The following MAGI2 variants were observed in gnomAD, a reference collection of about 807,000 sequenced individuals.
MAGI2 encodes the protein membrane associated guanylate kinase, WW and PDZ domain containing 2.
A neutral mutation model predicts 133.3 loss-of-function variants in MAGI2; 35 were observed. That is an observed-to-expected ratio of 0.26 (90% CI 0.20 to 0.35). The LOEUF is 0.35. Among genes scored for constraint, MAGI2 ranks in the 10% least tolerant of loss-of-function variants. MAGI2 has a pLI of 1.00. For synonymous variants in MAGI2, 729 were observed against 710.6 expected (o/e 1.03, Z -0.41); for missense variants, 1,636 against 1,863.4 (o/e 0.88, Z 2.25).
intron 2 of MAGI2, among the ~76,000 whole-genome samples, chr7:78,978,410 G>A (rs1034088085): frequency 3.3e-5 from 5 of 151,756 alleles, no homozygotes; most frequent in African/African-American, 1.2e-4. Flanking sequence ...AGTGAAAGTT[G>A]GTCAGAAAGC....
chr7:78,779,331 T>A (rs1486242804), intron 2 of MAGI2, among the ~76,000 whole-genome samples: 1 of 152,194 alleles, frequency 6.6e-6, no homozygotes, highest in Non-Finnish European at 1.5e-5. Flanking sequence ...TTTGCCTGAA[T>A]GGCTTTCACT....
intron 6 of MAGI2, among the ~76,000 whole-genome samples, chr7:78,465,432 A>C (rs79593244): frequency 0.015 from 2,305 of 152,314 alleles, 56 homozygotes; most frequent in African/African-American, 0.053. Flanking sequence ...GCCATGTACT[A>C]TTAACACGTG....
intron 20 of MAGI2, among the ~76,000 whole-genome samples, chr7:78,114,890 C>A (rs1210870037): frequency 6.6e-6 from 1 of 152,164 alleles, no homozygotes; most frequent in Non-Finnish European, 1.5e-5. Context: ...ACGGGAGGCA[C>A]CCTCTGGGGT....
chr7:78,676,025 C>T (rs1028666722), intron 2 of MAGI2, among the ~76,000 whole-genome samples: 1 of 152,122 alleles, frequency 6.6e-6, no homozygotes, highest in African/African-American at 2.4e-5. Context: ...TTCACTGATT[C>T]TAAGTCACCA....
chr7:79,061,364 C>T (rs1813711242), intron 1 of MAGI2, among the ~76,000 whole-genome samples: 1 of 151,148 alleles, frequency 6.6e-6, no homozygotes, highest in South Asian at 2.1e-4. Context: ...TATTCAAGCT[C>T]AACGAGGCTG....
Position 79,007,038 on chromosome 7 carries a change from C to T in MAGI2, c.418+52G>A. 2.3e-6 allele frequency: 3 copies of T among 1,291,440 alleles called. No homozygotes were observed. In the East Asian group the frequency reaches 7.3e-5, roughly 31 times the overall value. 80.0% of individuals were successfully genotyped at this position (1,291,440 alleles called of 1,614,324 possible). ...TTTCTTTTAATCAATGAATATATAG[C>T]TAAACATTTATCTCTCAACATAAAA... On this transcript the variant is annotated intron_variant, in intron 2 of 21. Transcript: ENST00000354212.
chr7:78,372,118 G>T (rs1793979261), intron 6 of MAGI2, among the ~76,000 whole-genome samples: 1 of 152,078 alleles, frequency 6.6e-6, no homozygotes, highest in Admixed American at 6.6e-5. Context: ...GCACATGTGT[G>T]TTTGTGTGTA....
At chr7:78,328,529 A>ACACC (rs1408831333) in intron 9 of MAGI2, among the ~76,000 whole-genome samples, 1 of 99,874 alleles carries the variant, frequency 1.0e-5, no homozygotes, top group African/African-American at 3.8e-5. Context: ...ACACACACAC[A>ACACC]CCCCTCTCTC....
At chr7:79,306,541 T>C (rs1281551101) in intron 1 of MAGI2, among the ~76,000 whole-genome samples, 1 of 152,042 alleles carries the variant, frequency 6.6e-6, no homozygotes, top group Non-Finnish European at 1.5e-5. Context: ...TAGATGAGCA[T>C]TTGACCTTCA....
At chr7:78,296,565 T>C (rs368285667) in intron 9 of MAGI2, among the ~76,000 whole-genome samples, 80 of 152,334 alleles carry the variant, frequency 5.3e-4, no homozygotes, top group African/African-American at 1.8e-3. Context: ...TGGGGCTTCA[T>C]TTACTATGGT....
At chr7:79,214,405 CTCTATATATATATATA>C (rs1829807974) in intron 1 of MAGI2, among the ~76,000 whole-genome samples, 1 of 30,514 alleles carries the variant, frequency 3.3e-5, no homozygotes, top group Non-Finnish European at 5.6e-5. Flanking sequence ...CTCTCTCTCT[CTCTATATATATATATA>C]TATATATATA....
At chr7:79,339,052 A>G (rs1840695909) in intron 1 of MAGI2, among the ~76,000 whole-genome samples, 1 of 152,164 alleles carries the variant, frequency 6.6e-6, no homozygotes, top group Non-Finnish European at 1.5e-5. Context: ...TAAATTTTCT[A>G]GAAAATAAGT....
chr7:78,174,756 G>A (rs1289583567), intron 14 of MAGI2, among the ~76,000 whole-genome samples: 2 of 152,206 alleles, frequency 1.3e-5, no homozygotes, highest in Admixed American at 6.5e-5. Context: ...GACCAGCATT[G>A]TAATTAGAGG....
chr7:79,105,782 C>T (rs546358350), intron 1 of MAGI2, among the ~76,000 whole-genome samples: 32 of 152,030 alleles, frequency 2.1e-4, no homozygotes, highest in Non-Finnish European at 4.3e-4. Flanking sequence ...TGAGATTTAA[C>T]CATATCTCTA....
At chr7:78,458,224 A>C (rs906146083) in intron 6 of MAGI2, among the ~76,000 whole-genome samples, 2 of 148,690 alleles carry the variant, frequency 1.3e-5, no homozygotes, top group African/African-American at 4.9e-5. Flanking sequence ...TGAACTAGGC[A>C]GTCGGAGGTT....
At chr7:78,945,214 C>T (rs1801320824) in intron 2 of MAGI2, among the ~76,000 whole-genome samples, 1 of 151,372 alleles carries the variant, frequency 6.6e-6, no homozygotes, top group South Asian at 2.1e-4. Flanking sequence ...GGCGTGCATC[C>T]CCACACCCAG....
At chr7:78,119,432 G>A (rs1820199679) in intron 20 of MAGI2, among the ~76,000 whole-genome samples, 1 of 151,828 alleles carries the variant, frequency 6.6e-6, no homozygotes, top group African/African-American at 2.4e-5. Flanking sequence ...ATGGTGGTTA[G>A]TGCCTGCAGT....
intron 3 of MAGI2, among the ~76,000 whole-genome samples, chr7:78,555,249 G>C (rs1563163067): frequency 6.6e-6 from 1 of 151,826 alleles, no homozygotes; most frequent in Non-Finnish European, 1.5e-5. Context: ...TAGATAGATA[G>C]GTTTAACTAC....
intron 1 of MAGI2, among the ~76,000 whole-genome samples, chr7:79,109,763 A>G (rs1221319730): frequency 6.6e-6 from 1 of 152,144 alleles, no homozygotes; most frequent in Non-Finnish European, 1.5e-5. Flanking sequence ...AAAGTGCCTC[A>G]AAGGCATTTC....
Sources: allele counts gnomAD v4.1 joint callset (sites outside exome capture counted in the v4.1 genomes callset), GRCh38; gene constraint gnomAD v4.1.1; transcripts MANE v1.5; gene names NCBI Gene and HGNC (gene_info 2026-07-23, HGNC 2026-07-21).